Variants in DYNLRB1 observed in about 807,000 individuals in gnomAD.
DYNLRB1 encodes ROBL/LC7-like 1.
A neutral mutation model predicts 13.5 loss-of-function variants in DYNLRB1; 6 were observed. The observed-to-expected ratio is 0.44, with a 90% CI of 0.24 to 0.88. The LOEUF is 0.88. Ranked by LOEUF, DYNLRB1 falls within the 40% of genes least tolerant of loss-of-function variation. The pLI, the probability that DYNLRB1 is intolerant of heterozygous loss-of-function variation, is 0.21. For missense variants in DYNLRB1, 93 were observed against 127.2 expected, an observed-to-expected ratio of 0.73 and a Z score of 1.29; for synonymous variants, 43 against 45.0, an observed-to-expected ratio of 0.96 and a Z score of 0.18.
Position 34,526,959 on chromosome 20 carries a change from C to T in DYNLRB1, c.79+616C>T, listed in dbSNP as rs188449318. On this transcript the variant is annotated intron_variant, in intron 2 of 3. Coordinates refer to ENST00000357156, the MANE Select transcript of DYNLRB1 (RefSeq NM_014183.4). ...CTGCAGCTCCCCTCCACCCCAACAA[C>T]CCTTTCTGAGTGGTATCTGTGTAGG... Among the ~76,000 whole-genome samples the T allele has an allele frequency of 5.3e-5, 8 of 152,304 alleles. No individual in the cohort carries two copies. In the East Asian group the frequency reaches 1.3e-3, roughly 26 times the overall value.
intron 1 of DYNLRB1, among the ~76,000 whole-genome samples, chr20:34,518,507 CTT>C (rs760673386): frequency 2.1e-5 from 3 of 145,082 alleles, no homozygotes. Context: ...TTGTTAGTTT[CTT>C]TTTTTTTTTT....
At chr20:34,524,038 C>T (rs577977240) in intron 1 of DYNLRB1, among the ~76,000 whole-genome samples, 1 of 152,250 alleles carries the variant, frequency 6.6e-6, no homozygotes, top group South Asian at 2.1e-4. Context: ...ACATCTTATT[C>T]TGACAACATT....
At chr20:34,518,473 T>A (rs1389152855) in intron 1 of DYNLRB1, among the ~76,000 whole-genome samples, 1 of 151,688 alleles carries the variant, frequency 6.6e-6, no homozygotes, top group Non-Finnish European at 1.5e-5. Context: ...CCAGTCTCAG[T>A]CTCTCCTCCT....
chr20:34,533,966 G>T (rs1600551585), intron 2 of DYNLRB1, among the ~76,000 whole-genome samples: 1 of 152,104 alleles, frequency 6.6e-6, no homozygotes, highest in Admixed American at 6.6e-5. Flanking sequence ...GTGAAACCTT[G>T]TCTCTACTAA....
At position 34,534,740 on chromosome 20, in the gene DYNLRB1, C is replaced by T. The variant is rs1249418132; in HGVS notation, c.192C>T (p.Asn64=). ...RSTVRDIDPQ[N]DLTFLRIRSK... is the part of the protein sequence containing the mutation. ...CCGTGCGTGACATCGACCCCCAGAACGATCTCACCTTCCTTCGAATTCGCT... is the reference window on the plus strand; with the variant it reads ...CCGTGCGTGACATCGACCCCCAGAATGATCTCACCTTCCTTCGAATTCGCT... Residue 64 remains asparagine, a synonymous_variant, in exon 3 of 4, where the codon AAC becomes AAT. Transcript: ENST00000357156. 1.9e-6 allele frequency: 3 copies of T among 1,613,976 alleles called. No individual in the cohort carries two copies. The highest frequency in any genetic ancestry group is 2.5e-6 in the Non-Finnish European group (3 of 1,179,986).
chr20:34,516,142 G>T (rs1019774962), upstream of DYNLRB1, among the ~76,000 whole-genome samples: 1 of 152,182 alleles, frequency 6.6e-6, no homozygotes, highest in African/African-American at 2.4e-5. Flanking sequence ...CAATCCTTCC[G>T]ACTCGGCCTC....
At chr20:34,516,417 T>G (rs1403618900), upstream of DYNLRB1, 12 of 1,611,296 alleles carry the variant, frequency 7.4e-6, no homozygotes, top group Admixed American at 1.7e-5. Flanking sequence ...GGCACAGGAC[T>G]CGCTAAGTGT....
At chr20:34,521,827 C>T (rs1014554400) in intron 1 of DYNLRB1, among the ~76,000 whole-genome samples, 1 of 152,172 alleles carries the variant, frequency 6.6e-6, no homozygotes, top group South Asian at 2.1e-4. Context: ...CAGTAGATCA[C>T]TTGAGCCCAG....
At chr20:34,521,487 CT>C (rs1484824619) in intron 1 of DYNLRB1, among the ~76,000 whole-genome samples, 1 of 151,820 alleles carries the variant, frequency 6.6e-6, no homozygotes, top group East Asian at 1.9e-4. Flanking sequence ...GATGCAAATA[CT>C]TTTCTATCCT....
intron 1 of DYNLRB1, among the ~76,000 whole-genome samples, chr20:34,523,811 G>T (rs1979951354): frequency 6.6e-6 from 1 of 152,136 alleles, no homozygotes; most frequent in African/African-American, 2.4e-5. Flanking sequence ...ATCATCACAG[G>T]CCTAGAACAA....
chr20:34,535,757 C>T, intron 3 of DYNLRB1: 1 of 985,104 alleles, frequency 1.0e-6, no homozygotes, highest in Non-Finnish European at 1.2e-6. Flanking sequence ...AGGCTTTGGT[C>T]CAGTTTAGAA....
At chr20:34,521,781 T>C (rs1441567995) in intron 1 of DYNLRB1, among the ~76,000 whole-genome samples, 1 of 152,206 alleles carries the variant, frequency 6.6e-6, no homozygotes, top group African/African-American at 2.4e-5. Flanking sequence ...GAATGGTGGC[T>C]CACGCCTGTA....
chr20:34,536,677 G>A (rs568135562), intron 3 of DYNLRB1, among the ~76,000 whole-genome samples: 2 of 151,382 alleles, frequency 1.3e-5, no homozygotes, highest in Non-Finnish European at 2.9e-5. Flanking sequence ...CCCAGGAGGC[G>A]GAGCTTGCAG....
chr20:34,535,499 T>A (rs1488329444), intron 3 of DYNLRB1, among the ~76,000 whole-genome samples: 2 of 152,124 alleles, frequency 1.3e-5, no homozygotes, highest in Non-Finnish European at 2.9e-5. Context: ...CCCACAAGGA[T>A]GGGAGCACAG....
Position 34,540,681 on chromosome 20 carries a change from A to G in DYNLRB1, c.*57A>G. 5.8e-6 allele frequency: 9 copies of G among 1,552,728 alleles called. No homozygotes were observed. Among genetic ancestry groups the G allele is most frequent in the Non-Finnish European group, 8.0e-6 (9 of 1,126,890 alleles). ...AATTTAATGCCCCCCAAGAATGTTA[A>G]TGTCAATCATGTCAGTGGACTAGCA... On this transcript the variant is annotated 3_prime_UTR_variant, in exon 4 of 4. Coordinates refer to ENST00000357156, the MANE Select transcript of DYNLRB1 (RefSeq NM_014183.4).
At chr20:34,518,274 T>C (rs1425266651) in intron 1 of DYNLRB1, among the ~76,000 whole-genome samples, 6 of 152,156 alleles carry the variant, frequency 3.9e-5, no homozygotes. Flanking sequence ...CTTTCTGGTA[T>C]ATTTTGAAAT....
intron 1 of DYNLRB1, among the ~76,000 whole-genome samples, chr20:34,517,615 C>T (rs1190634073): frequency 6.8e-6 from 1 of 147,962 alleles, no homozygotes; most frequent in Non-Finnish European, 1.5e-5. Flanking sequence ...TCACCTTAAA[C>T]ATTCATTATT....
At chr20:34,520,511 A>G (rs545829506) in intron 1 of DYNLRB1, among the ~76,000 whole-genome samples, 28 of 152,104 alleles carry the variant, frequency 1.8e-4, no homozygotes, top group African/African-American at 5.3e-4. Flanking sequence ...CAGTGGCTCA[A>G]TCTCAGCTCA....
At chr20:34,534,957 G>T (rs1600552723) in intron 3 of DYNLRB1, 162 bp downstream of exon 3, 1 of 1,489,636 alleles carries the variant, frequency 6.7e-7, no homozygotes, top group Non-Finnish European at 8.9e-7. Context: ...GCCTCCAGCT[G>T]GTGTCCCATA....
Sources: allele counts gnomAD v4.1 joint callset (sites outside exome capture counted in the v4.1 genomes callset), GRCh38; gene constraint gnomAD v4.1.1; transcripts MANE v1.5; gene names NCBI Gene and HGNC (gene_info 2026-07-23, HGNC 2026-07-21).